SKOR1: variants seen among roughly 807,000 people sequenced by gnomAD.
SKOR1 encodes the protein LBX1 corepressor 1.
A neutral mutation model predicts 72.4 loss-of-function variants in SKOR1; 38 were observed. The observed-to-expected ratio is 0.52, with a 90% CI of 0.40 to 0.69. The LOEUF (loss-of-function observed/expected upper bound fraction) is 0.69. Ranked by LOEUF, SKOR1 falls within the 30% of genes least tolerant of loss-of-function variation. The pLI, the probability that SKOR1 is intolerant of heterozygous loss-of-function variation, is 0.00. For missense variants in SKOR1, 1,320 were observed against 1,343.2 expected (o/e 0.98, Z 0.27); for synonymous variants, 642 against 599.4 (o/e 1.07, Z -1.04).
Position 67,826,392 on chromosome 15 carries a change from G to T in SKOR1, c.564G>T (p.Ala188=), listed in dbSNP as rs762195467. The T allele has an allele frequency of 9.3e-6, 15 of 1,613,782 alleles. No homozygotes were observed. The Middle Eastern group carries it at 4.9e-4, about 53-fold the overall frequency. ...CCTTCGATGTGGTGCACGAGTGCGC[G>T]TGGGGCTCGCGTGGTAGCTTCATCC... is the stretch of plus-strand genomic sequence containing the variant. ...NFAFDVVHEC[A]WGSRGSFIPA... Residue 188 remains alanine (A), a synonymous_variant, in exon 2 of 9, where the codon GCG becomes GCT. Transcript: ENST00000380035.
rs2090998513 is a variant in SKOR1, at chr15:67,830,247, T to A, written c.2464T>A (p.Tyr822Asn). The A allele has an allele frequency of 6.2e-7, 1 of 1,614,064 alleles. No individual in the cohort carries two copies. Residue 822 changes from tyrosine to asparagine, a missense_variant, in exon 4 of 9, where the codon TAT (tyrosine) becomes AAT (asparagine). By Grantham distance (143) the Tyr-to-Asn change is moderately radical. This residue lies in a region of SKOR1 where 1,099 missense variants were observed against 1,025.5 expected (regional missense o/e 1.07). Coordinates refer to ENST00000380035, the MANE Select transcript of SKOR1 (RefSeq NM_001365915.1). The part of the protein sequence containing the change: ...PADDLETRKS[Y>N]PDQRSISQPS... Reference sequence around the variant, plus strand: ...CGATGATTTGGAAACGAGGAAATCCTATCCAGACCAAAGGAGTATCTCCCA... The same window carrying A: ...CGATGATTTGGAAACGAGGAAATCCAATCCAGACCAAAGGAGTATCTCCCA...
intron 5 of SKOR1, among the ~76,000 whole-genome samples, chr15:67,831,555 G>A (rs1371573271): frequency 6.6e-6 from 1 of 152,136 alleles, no homozygotes; most frequent in African/African-American, 2.4e-5. Context: ...TGACCTCATG[G>A]TCAGGGCAGT....
Position 67,827,597 on chromosome 15 carries a change from C to T in SKOR1, c.1769C>T (p.Ser590Phe). 3 of 1,528,460 alleles carry T rather than the reference C, an allele frequency of 2.0e-6. No homozygotes were observed. The highest frequency in any genetic ancestry group is 1.2e-5 in the South Asian group (1 of 83,356). The allele number at this position is 1,528,460 out of a possible 1,614,324, so 94.7% of individuals were successfully genotyped here. A position where few individuals can be genotyped will look rare whatever the true frequency, so the allele number is the denominator to read the frequency against. The change falls in exon 2 of 9, where the codon TCC (serine) becomes TTC (phenylalanine). Residue 590 changes from serine to phenylalanine, a missense_variant. This residue lies in a region of SKOR1 where 1,099 missense variants were observed against 1,025.5 expected (regional missense o/e 1.07). Coordinates refer to ENST00000380035, the MANE Select transcript of SKOR1 (RefSeq NM_001365915.1). ...CCCCCGCCGCCCGCACGCAAAGGCT[C>T]CTACGTGTCGGCCTTCCGGCCGGTG... ...PPPPPPARKG[S>F]YVSAFRPVVK...
Position 67,833,149 on chromosome 15 carries a change from G to A in SKOR1, c.2738-43G>A. ...GGGCTGTGACCCCGGCCTTTCGGAG[G>A]GTGGTCTGCGTTTCCTCACTGGCCC... On this transcript the variant is annotated intron_variant, in intron 7 of 8. Coordinates refer to ENST00000380035, the MANE Select transcript of SKOR1 (RefSeq NM_001365915.1). The surrounding 1 kb of genome is among the most constrained non-coding windows in gnomAD (Gnocchi z 6.0). 6.2e-7 allele frequency: 1 copy of A among 1,609,784 alleles called. No homozygotes were observed. Among genetic ancestry groups the A allele is most frequent in the Non-Finnish European group, 8.5e-7 (1 of 1,176,570 alleles).
Position 67,829,184 on chromosome 15 carries a change from C to A in SKOR1, c.2322C>A (p.Phe774Leu). ...TCATTTCTCGGCCGTCGCAGGTGTT[C>A]GCGCCCGAGAGGGATGAGCACGTGA... ...PLGGPAPAKV[F>L]APERDEHVKS... Residue 774 changes from phenylalanine (F) to leucine (L), a missense_variant, in exon 3 of 9, where the codon TTC (phenylalanine) becomes TTA (leucine). Physicochemically the swap from Phe to Leu is conservative, Grantham distance 22. This residue lies in a region of SKOR1 where 1,099 missense variants were observed against 1,025.5 expected (regional missense o/e 1.07). Transcript: ENST00000380035. 1.9e-6 allele frequency: 3 copies of A among 1,558,820 alleles called. No individual in the cohort carries two copies. The highest frequency in any genetic ancestry group is 2.6e-6 in the Non-Finnish European group (3 of 1,158,478).
At chr15:67,831,905 G>GGGGGGGGGT (rs2091010658) in intron 5 of SKOR1, among the ~76,000 whole-genome samples, 1 of 139,248 alleles carries the variant, frequency 7.2e-6, no homozygotes, top group Non-Finnish European at 1.5e-5. Context: ...CGGCGGTGCG[G>GGGGGGGGGT]GGGGGGGAGG....
Position 67,833,129 on chromosome 15 carries a change from G to A in SKOR1, c.2738-63G>A. ...CTGGGGAGAGGAGGAAGCCCGGGCT[G>A]TGACCCCGGCCTTTCGGAGGGTGGT... On this transcript the variant is annotated intron_variant, in intron 7 of 8. Transcript: ENST00000380035. This position sits in a 1 kb window ranked among gnomAD's most constrained non-coding sequence, Gnocchi z 6.0. The A allele has an allele frequency of 6.4e-7, 1 of 1,571,376 alleles. No individual in the cohort carries two copies. Among genetic ancestry groups the A allele is most frequent in the Non-Finnish European group, 8.7e-7 (1 of 1,143,300 alleles).
In SKOR1 at chr15:67,832,861, G is replaced by A; in HGVS notation, c.2737+180G>A. 2 of 615,648 alleles carry A rather than the reference G, an allele frequency of 3.2e-6. No individual in the cohort carries two copies. The highest frequency in any genetic ancestry group is 4.0e-5 in the South Asian group (2 of 50,102). The allele number at this position is 615,648 out of a possible 1,614,324, so 38.1% of individuals were successfully genotyped here. On this transcript the variant is annotated intron_variant, in intron 7 of 8. Transcript: ENST00000380035. This position sits in a 1 kb window ranked among gnomAD's most constrained non-coding sequence, Gnocchi z 4.5. ...GAATGGCAAGCGAGCCCAGCAAACG[G>A]CTTGCAGGCATCATTACATGGAGTG...
At chr15:67,829,012 G>A (rs1170546134) in intron 2 of SKOR1, among the ~76,000 whole-genome samples, 167 bp from the exon 3 acceptor site, 1 of 152,226 alleles carries the variant, frequency 6.6e-6, no homozygotes, top group Non-Finnish European at 1.5e-5. Context: ...GAATCTACAA[G>A]GGGGCAAGGG....
chr15:67,829,166 T>C lies in SKOR1; in HGVS notation c.2317-13T>C. ...CGCCACCCTAATCGCCTGTCATTTC[T>C]CGGCCGTCGCAGGTGTTCGCGCCCG... On this transcript the variant is annotated splice_polypyrimidine_tract_variant and intron_variant, in intron 2 of 8. Transcript: ENST00000380035. 3 of 1,535,960 alleles carry C rather than the reference T, an allele frequency of 2.0e-6. No individual in the cohort carries two copies. Among genetic ancestry groups the C allele is most frequent in the Non-Finnish European group, 2.6e-6 (3 of 1,144,886 alleles).
rs2090968694 is a variant in SKOR1 at position 67,827,283 on chromosome 15, C to T, written c.1455C>T (p.Tyr485=). ...VAAAAAAATV[Y]PTFPMFWPAA... ...CAGCGGCCGCCGCCGCCACTGTGTA[C>T]CCGACGTTTCCCATGTTCTGGCCAG... The change falls in exon 2 of 9, where the codon TAC becomes TAT. Residue 485 remains tyrosine, a synonymous_variant. Coordinates refer to ENST00000380035, the MANE Select transcript of SKOR1 (RefSeq NM_001365915.1). 2 of 1,586,328 alleles carry T rather than the reference C, an allele frequency of 1.3e-6. No individual in the cohort carries two copies. Among genetic ancestry groups the T allele is most frequent in the East Asian group, 4.6e-5 (2 of 43,328 alleles).
In SKOR1 at chr15:67,826,065, G is replaced by T. The variant is rs772927213; in HGVS notation, c.237G>T (p.Glu79Asp). ...SSALKPNQVG[E>D]TSLYGVPIVS... is the part of the protein sequence containing the mutation. ...CTCTCAAACCCAACCAGGTGGGCGA[G>T]ACGTCGCTGTACGGGGTGCCCATTG... Residue 79 changes from glutamate to aspartate, a missense_variant, in exon 2 of 9, where the codon GAG (glutamate) becomes GAT (aspartate). Around this residue, in one of 3 missense-constraint regions of SKOR1, gnomAD observed 120 missense variants for 104.9 expected, o/e 1.14. Coordinates refer to ENST00000380035, the MANE Select transcript of SKOR1 (RefSeq NM_001365915.1). 17 of 1,592,902 alleles carry T rather than the reference G, an allele frequency of 1.1e-5. No individual in the cohort carries two copies. The highest frequency in any genetic ancestry group is 1.4e-5 in the Non-Finnish European group (16 of 1,165,854).
rs1241421516 is a variant in SKOR1, at chr15:67,834,541, T to C, written c.*705T>C. 3.1e-5 allele frequency: 3 copies of C among 96,040 alleles called. No individual in the cohort carries two copies. Among genetic ancestry groups the C allele is most frequent in the Non-Finnish European group, 7.0e-5 (3 of 42,644 alleles). 5.9% of individuals were successfully genotyped at this position (96,040 alleles called of 1,614,324 possible). A position where few individuals can be genotyped will look rare whatever the true frequency, so the allele number is the denominator to read the frequency against. On this transcript the variant is annotated 3_prime_UTR_variant, in exon 9 of 9. Coordinates refer to ENST00000380035, the MANE Select transcript of SKOR1 (RefSeq NM_001365915.1). The surrounding 1 kb of genome is among the most constrained non-coding windows in gnomAD (Gnocchi z 5.8). ...CTGTACCCGTGACTTTCGTTTTTAA[T>C]AATAATAATAATAATAATAAAAGAT... is the stretch of plus-strand genomic sequence containing the variant.
rs147155241 is a variant in SKOR1, at chr15:67,833,782, G to A, written c.2844G>A (p.Leu948=). ...TGCACCATTTCTCCTGCAAGATGCT[G>A]ACGCCCCGCCACTGCACTGGCAACT... is the stretch of plus-strand genomic sequence containing the variant. ...DALHHFSCKM[L]TPRHCTGNCS... The change falls in exon 9 of 9, where the codon CTG becomes CTA. Residue 948 remains leucine, a synonymous_variant. Transcript: ENST00000380035. This position sits in a 1 kb window ranked among gnomAD's most constrained non-coding sequence, Gnocchi z 6.0. The A allele has an allele frequency of 1.6e-4, 255 of 1,613,278 alleles. No homozygotes were observed. The African/African-American group carries it at 3.1e-3, about 19-fold the overall frequency.
chr15:67,830,695 C>T lies in SKOR1; in HGVS notation c.2516-123C>T, dbSNP rs910406004. On this transcript the variant is annotated intron_variant, in intron 4 of 8. Transcript: ENST00000380035. The stretch of plus-strand genomic sequence containing the variant: ...GATAGTACTGGATTCCTGTAACTGT[C>T]TCCTCTAAAGGCAGAAGGTCTAGGG... 2.4e-5 allele frequency: 21 copies of T among 882,236 alleles called. No homozygotes were observed. In the South Asian group the frequency reaches 3.0e-4, roughly 12 times the overall value. 54.7% of individuals were successfully genotyped at this position (882,236 alleles called of 1,614,324 possible).
Position 67,827,887 on chromosome 15 carries a change from G to C in SKOR1, c.2059G>C (p.Gly687Arg). The change falls in exon 2 of 9, where the codon GGC becomes CGC. Residue 687 changes from glycine (G) to arginine (R), a missense_variant. Around this residue, in one of 3 missense-constraint regions of SKOR1, gnomAD observed 1,099 missense variants for 1,025.5 expected, o/e 1.07. Transcript: ENST00000380035. Reference sequence around the variant, plus strand: ...CGAGCCCAGCGCACCCAGCGCAGGGGGCGGCCCAGACGGTGAACAGCCCAC... The same window carrying C: ...CGAGCCCAGCGCACCCAGCGCAGGGCGCGGCCCAGACGGTGAACAGCCCAC... ...ETEPSAPSAG[G>R]GPDGEQPTGP... 6.2e-7 allele frequency: 1 copy of C among 1,600,410 alleles called. No homozygotes were observed. The highest frequency in any genetic ancestry group is 8.5e-7 in the Non-Finnish European group (1 of 1,174,498).
chr15:67,827,864 A>AGCCCAGCGC lies in SKOR1; in HGVS notation c.2037_2045dup (p.Pro683_Ala685dup), dbSNP rs758149479. On this transcript the variant is annotated inframe_insertion, in exon 2 of 9. Coordinates refer to ENST00000380035, the MANE Select transcript of SKOR1 (RefSeq NM_001365915.1). ...GACGAGGACGCCCAAGAGGAGACCG[A>AGCCCAGCGC]GCCCAGCGCACCCAGCGCAGGGGGC... 3.7e-6 allele frequency: 6 copies of AGCCCAGCGC among 1,601,198 alleles called. No individual in the cohort carries two copies. The highest frequency in any genetic ancestry group is 3.4e-5 in the Admixed American group (2 of 58,110).
In SKOR1 at chr15:67,833,609, C is replaced by T. The variant is rs1012885808; in HGVS notation, c.2804-133C>T. On this transcript the variant is annotated intron_variant, in intron 8 of 8. Coordinates refer to ENST00000380035, the MANE Select transcript of SKOR1 (RefSeq NM_001365915.1). This position sits in a 1 kb window ranked among gnomAD's most constrained non-coding sequence, Gnocchi z 6.0. ...ACCAGCTTTTGTCCTACCCTCCTGC[C>T]TCCTCCTGATCCGCTCGGTTGAGAT... 10 of 919,808 alleles carry T rather than the reference C, an allele frequency of 1.1e-5. No homozygotes were observed. The African/African-American group carries it at 1.5e-4, about 13-fold the overall frequency. 57.0% of individuals were successfully genotyped at this position (919,808 alleles called of 1,614,324 possible).
At position 67,833,906 on chromosome 15, in the gene SKOR1, C is replaced by T; in HGVS notation, c.*70C>T. 2 of 1,512,422 alleles carry T rather than the reference C, an allele frequency of 1.3e-6. No individual in the cohort carries two copies. Among genetic ancestry groups the T allele is most frequent in the South Asian group, 1.1e-5 (1 of 89,286 alleles). 93.7% of individuals were successfully genotyped at this position (1,512,422 alleles called of 1,614,324 possible). ...TTGTAAATACCCGCTGCTGCGGTGG[C>T]CCTGAGCGAGGAACAAGCCATTCGG... On this transcript the variant is annotated 3_prime_UTR_variant, in exon 9 of 9. Transcript: ENST00000380035. The surrounding 1 kb of genome is among the most constrained non-coding windows in gnomAD (Gnocchi z 6.0).
Sources: allele counts gnomAD v4.1 joint callset (sites outside exome capture counted in the v4.1 genomes callset), GRCh38; gene constraint gnomAD v4.1.1; regional missense constraint gnomAD v4.1.1; non-coding constraint Gnocchi (gnomAD v3.1); transcripts MANE v1.5; gene names NCBI Gene and HGNC (gene_info 2026-07-23, HGNC 2026-07-21).